The following RALGAPA2 variants were observed in gnomAD, a reference collection of about 807,000 sequenced individuals.
RALGAPA2 encodes Ral GTPase activating protein catalytic subunit alpha 2.
A neutral mutation model predicts 230.4 loss-of-function variants in RALGAPA2; 139 were observed. The ratio of observed to expected loss-of-function variants is 0.60; its 90% confidence interval spans 0.53 to 0.69. RALGAPA2 has a LOEUF of 0.69. Ranked by LOEUF, RALGAPA2 falls within the 30% of genes least tolerant of loss-of-function variation. The pLI, the probability that RALGAPA2 is intolerant of heterozygous loss-of-function variation, is 0.00. For missense variants in RALGAPA2, 2,163 were observed against 2,276.0 expected (o/e 0.95, Z 1.01); for synonymous variants, 847 against 837.8 (o/e 1.01, Z -0.19).
chr20:20,617,689 C>G (rs2146327951), intron 12 of RALGAPA2, among the ~76,000 whole-genome samples: 1 of 152,098 alleles, frequency 6.6e-6, no homozygotes, highest in East Asian at 1.9e-4. Context: ...AAAAATAAAC[C>G]AAATTAGTAT....
chr20:20,656,807 C>T (rs2067603609), intron 3 of RALGAPA2, among the ~76,000 whole-genome samples: 1 of 152,106 alleles, frequency 6.6e-6, no homozygotes, highest in Admixed American at 6.5e-5. Flanking sequence ...GAAAAAATCA[C>T]AAGCAAAGAG....
In RALGAPA2 at chr20:20,495,252, C is replaced by G. The variant is rs1318798262; in HGVS notation, c.5232G>C (p.Glu1744Asp). The change falls in exon 36 of 40, where the codon GAG becomes GAC. Residue 1744 changes from glutamate to aspartate, a missense_variant. Physicochemically the swap from Glu to Asp is conservative, Grantham distance 45. Transcript: ENST00000202677. ...AGTGTTCAGACCAGACGATATGGAC[C>G]TCGTCATTCCCCAAGTGACGAAGCT... ...TKKLRHLGND[E>D]VHIVWSEHSR... 1.3e-5 allele frequency: 20 copies of G among 1,538,428 alleles called. No homozygotes were observed. Among genetic ancestry groups the G allele is most frequent in the Non-Finnish European group, 1.7e-5 (19 of 1,129,930 alleles).
At chr20:20,631,236 A>G (rs1002232428) in intron 9 of RALGAPA2, among the ~76,000 whole-genome samples, 1 of 152,180 alleles carries the variant, frequency 6.6e-6, no homozygotes, top group Non-Finnish European at 1.5e-5. Context: ...TTCCTTTCCA[A>G]CTGCCCTCAT....
chr20:20,550,139 C>T, intron 23 of RALGAPA2, among the ~76,000 whole-genome samples: 1 of 152,170 alleles, frequency 6.6e-6, no homozygotes, highest in East Asian at 1.9e-4. Context: ...CCCTCATCCC[C>T]TTCCACCCTT....
At chr20:20,400,426 G>T (rs2059807407) in intron 38 of RALGAPA2, among the ~76,000 whole-genome samples, 1 of 152,188 alleles carries the variant, frequency 6.6e-6, no homozygotes, top group African/African-American at 2.4e-5. Flanking sequence ...TATACGTGCT[G>T]CTCCCGTGCA....
intron 36 of RALGAPA2, among the ~76,000 whole-genome samples, chr20:20,489,669 A>C (rs1334747477): frequency 1.3e-5 from 2 of 152,178 alleles, no homozygotes; most frequent in Non-Finnish European, 2.9e-5. Context: ...GATTTGGGGC[A>C]ATGAGCGCTC....
intron 10 of RALGAPA2, among the ~76,000 whole-genome samples, chr20:20,624,314 C>T (rs1377578064): frequency 4.0e-5 from 5 of 126,444 alleles, no homozygotes; most frequent in South Asian, 4.9e-4. Context: ...GTGATGGGAG[C>T]GAGACTCCAT....
At chr20:20,586,512 C>T (rs556789848) in intron 18 of RALGAPA2, among the ~76,000 whole-genome samples, 147 of 152,172 alleles carry the variant, frequency 9.7e-4, no homozygotes, top group Non-Finnish European at 8.7e-4. Flanking sequence ...TCAGAAACAA[C>T]AAATATCAGA....
At chr20:20,416,720 G>A (rs916464610) in intron 37 of RALGAPA2, among the ~76,000 whole-genome samples, 1 of 152,072 alleles carries the variant, frequency 6.6e-6, no homozygotes, top group African/African-American at 2.4e-5. Flanking sequence ...ACTCATTCGG[G>A]CTATGTGTTT....
intron 39 of RALGAPA2, among the ~76,000 whole-genome samples, chr20:20,396,489 G>C (rs987384631): frequency 2.0e-5 from 3 of 152,240 alleles, no homozygotes; most frequent in South Asian, 2.1e-4. Flanking sequence ...CCGAGTGCAC[G>C]GGCAGAAGAA....
chr20:20,629,542 C>T lies in RALGAPA2; in HGVS notation c.1054G>A (p.Gly352Ser), dbSNP rs748735962. 9 of 1,613,878 alleles carry T rather than the reference C, an allele frequency of 5.6e-6. No individual in the cohort carries two copies. Among genetic ancestry groups the T allele is most frequent in the Non-Finnish European group, 7.6e-6 (9 of 1,179,900 alleles). ...VQERAPELDG[G>S]GPTEQDKSHS... ...CTTTTGTCCTGCTCCGTGGGCCCAC[C>T]ACCATCCAGCTCAGGCGCTCTCTCC... The change falls in exon 10 of 40, where the codon GGT becomes AGT. Residue 352 changes from glycine (G) to serine (S), a missense_variant. Transcript: ENST00000202677.
intron 30 of RALGAPA2, among the ~76,000 whole-genome samples, chr20:20,522,465 T>C (rs1212573117): frequency 2.0e-5 from 3 of 152,180 alleles, no homozygotes; most frequent in Non-Finnish European, 4.4e-5. Flanking sequence ...CAAAAGAGGA[T>C]ATACTGTATG....
intron 23 of RALGAPA2, among the ~76,000 whole-genome samples, chr20:20,563,616 G>A (rs2064322785): frequency 6.6e-6 from 1 of 152,136 alleles, no homozygotes; most frequent in African/African-American, 2.4e-5. Flanking sequence ...TCCAAGGTGA[G>A]GAAGGGTCAT....
intron 17 of RALGAPA2, 93 bp downstream of exon 17, chr20:20,591,084 T>G: frequency 2.2e-6 from 3 of 1,361,644 alleles, no homozygotes; most frequent in Middle Eastern, 1.9e-4. Context: ...AATAAATATA[T>G]TCAGAATATA....
At chr20:20,512,224 TAC>T (rs1257439741) in intron 32 of RALGAPA2, among the ~76,000 whole-genome samples, 15 of 137,656 alleles carry the variant, frequency 1.1e-4, no homozygotes, top group Middle Eastern at 3.8e-3. Context: ...CAACCCCCCC[TAC>T]ACACACACAC....
At chr20:20,614,964 C>T (rs891394858) in intron 13 of RALGAPA2, among the ~76,000 whole-genome samples, 1 of 152,002 alleles carries the variant, frequency 6.6e-6, no homozygotes, top group Non-Finnish European at 1.5e-5. Flanking sequence ...CACAGCTGGG[C>T]GGGCAGCTTG....
intron 1 of RALGAPA2, among the ~76,000 whole-genome samples, chr20:20,700,643 C>T (rs1345811841): frequency 6.6e-6 from 1 of 152,180 alleles, no homozygotes; most frequent in Non-Finnish European, 1.5e-5. Flanking sequence ...AACAGCTCTC[C>T]AGCATTACTG....
chr20:20,705,671 T>C (rs1271423887), intron 1 of RALGAPA2, among the ~76,000 whole-genome samples: 3 of 152,088 alleles, frequency 2.0e-5, no homozygotes, highest in Non-Finnish European at 4.4e-5. Context: ...TGTTGTTTTG[T>C]TTTGTTTTGT....
At chr20:20,419,907 T>C (rs767016724) in intron 37 of RALGAPA2, among the ~76,000 whole-genome samples, 2 of 152,154 alleles carry the variant, frequency 1.3e-5, no homozygotes, top group East Asian at 1.9e-4. Flanking sequence ...AGGAACAAGA[T>C]AGATGTCGCT....
Sources: gnomAD v4.1 joint callset for allele counts (sites outside exome capture counted in the v4.1 genomes callset) on GRCh38, gnomAD v4.1.1 for gene constraint, MANE v1.5 for transcripts, NCBI Gene and HGNC (gene_info 2026-07-23, HGNC 2026-07-21) for gene names.